Variants in DAAM1 observed in about 807,000 individuals in gnomAD.
DAAM1 encodes disheveled-associated activator of morphogenesis 1.
Under a neutral mutation model 130.0 loss-of-function variants are expected in DAAM1, and 52 were observed. That is an observed-to-expected ratio of 0.40 (90% CI 0.32 to 0.50). The LOEUF (loss-of-function observed/expected upper bound fraction) is 0.50, where lower values mean the gene tolerates loss of function less well. DAAM1 is among the 20% of genes least tolerant of loss of function. DAAM1 has a pLI of 0.61. For missense variants in DAAM1, 1,134 were observed against 1,303.8 expected (o/e 0.87, Z 2.01); for synonymous variants, 452 against 444.5 (o/e 1.02, Z -0.21).
intron 3 of DAAM1, among the ~76,000 whole-genome samples, chr14:59,310,506 T>G (rs1212396917): frequency 6.6e-6 from 1 of 152,196 alleles, no homozygotes; most frequent in East Asian, 1.9e-4. Context: ...ATTCTATATA[T>G]GATTACGGTT....
intron 1 of DAAM1, among the ~76,000 whole-genome samples, chr14:59,195,164 G>C (rs1247761886): frequency 3.7e-5 from 2 of 54,580 alleles, no homozygotes; most frequent in Non-Finnish European, 3.7e-5. Flanking sequence ...TTTTTTTTTT[G>C]AGACAATCTT....
chr14:59,256,914 A>G (rs1881917015), intron 1 of DAAM1, among the ~76,000 whole-genome samples: 1 of 152,220 alleles, frequency 6.6e-6, no homozygotes, highest in African/African-American at 2.4e-5. Flanking sequence ...CTTGGGCAAA[A>G]TGTTGACTGA....
chr14:59,331,254 C>T lies in DAAM1; in HGVS notation c.1606C>T (p.Pro536Ser). ...SIPGGPSPGA[P>S]GGPFPSSVPG... Reference sequence around the variant, plus strand: ...CCCAGGTGGACCCTCGCCTGGAGCACCAGGAGGGCCCTTTCCTTCCTCTGT... The same window carrying T: ...CCCAGGTGGACCCTCGCCTGGAGCATCAGGAGGGCCCTTTCCTTCCTCTGT... The change falls in exon 14 of 25, where the codon CCA (proline) becomes TCA (serine). Residue 536 changes from proline to serine, a missense_variant. Pro to Ser is a moderately conservative substitution (Grantham distance 74, BLOSUM62 -1). Around this residue, in one of 3 missense-constraint regions of DAAM1, gnomAD observed 644 missense variants for 695.9 expected, o/e 0.93. Transcript: ENST00000360909. 3 of 1,612,976 alleles carry T rather than the reference C, an allele frequency of 1.9e-6. No individual in the cohort carries two copies. The highest frequency in any genetic ancestry group is 2.5e-6 in the Non-Finnish European group (3 of 1,180,006).
At chr14:59,215,952 C>G (rs772007603) in intron 1 of DAAM1, among the ~76,000 whole-genome samples, 13 of 152,164 alleles carry the variant, frequency 8.5e-5, no homozygotes, top group Non-Finnish European at 1.9e-4. Flanking sequence ...TTTATTCTTG[C>G]TGAGCGGGAC....
intron 1 of DAAM1, among the ~76,000 whole-genome samples, chr14:59,207,978 T>G (rs1228962463): frequency 6.6e-6 from 1 of 152,150 alleles, no homozygotes; most frequent in Non-Finnish European, 1.5e-5. Flanking sequence ...TAATTTAGGT[T>G]CACTGTGGGG....
intron 2 of DAAM1, among the ~76,000 whole-genome samples, chr14:59,288,809 A>G (rs1055402192): frequency 6.9e-6 from 1 of 144,256 alleles, no homozygotes; most frequent in Non-Finnish European, 1.5e-5. Context: ...AAGGGGAAGC[A>G]AGCACATTTT....
chr14:59,265,803 G>A (rs1882410031), intron 2 of DAAM1: 1 of 152,288 alleles, frequency 6.6e-6, no homozygotes, highest in African/African-American at 2.4e-5. Flanking sequence ...CTATACCCAG[G>A]AAGGGTGGAG....
chr14:59,360,616 A>T (rs1886670230), intron 21 of DAAM1, 186 bp from the exon 22 acceptor site: 1 of 415,252 alleles, frequency 2.4e-6, no homozygotes, highest in Non-Finnish European at 4.2e-6. Flanking sequence ...AACAAACATA[A>T]TTTTATACCT....
chr14:59,243,449 A>G (rs1003501507), intron 1 of DAAM1, among the ~76,000 whole-genome samples: 2 of 152,102 alleles, frequency 1.3e-5, no homozygotes, highest in African/African-American at 4.8e-5. Context: ...AGGTTCTTCT[A>G]CTCAGGCTGG....
At chr14:59,262,354 A>G (rs1175092839) in intron 1 of DAAM1, among the ~76,000 whole-genome samples, 2 of 152,210 alleles carry the variant, frequency 1.3e-5, no homozygotes, top group Non-Finnish European at 1.5e-5. Flanking sequence ...AATAGACAGT[A>G]TCAACTGGAA....
rs1166671363 is a variant in DAAM1 at position 59,263,618 on chromosome 14, G to T, written c.141G>T (p.Met47Ile). 6.2e-7 allele frequency: 1 copy of T among 1,614,102 alleles called. No individual in the cohort carries two copies. Among genetic ancestry groups the T allele is most frequent in the African/African-American group, 1.3e-5 (1 of 74,926 alleles). The change falls in exon 2 of 25, where the codon ATG becomes ATT. Residue 47 changes from methionine (M) to isoleucine (I), a missense_variant. By Grantham distance (10) the Met-to-Ile change is conservative (BLOSUM62 1). Coordinates refer to ENST00000360909, the MANE Select transcript of DAAM1 (RefSeq NM_001270520.2). Reference sequence around the variant, plus strand: ...AGACCATGGAACCAGCATTGCCCATGCCCCCTGTGGAGGAGCTGGATGTCA... The same window carrying T: ...AGACCATGGAACCAGCATTGCCCATTCCCCCTGTGGAGGAGCTGGATGTCA... ...ALQTMEPALP[M>I]PPVEELDVMF...
At chr14:59,190,470 G>A (rs531449059) in intron 1 of DAAM1, among the ~76,000 whole-genome samples, 1 of 152,324 alleles carries the variant, frequency 6.6e-6, no homozygotes, top group African/African-American at 2.4e-5. Context: ...ACCAGCAAAG[G>A]CCCTCAATTT....
At chr14:59,285,324 A>G (rs1391296698) in intron 2 of DAAM1, among the ~76,000 whole-genome samples, 2 of 152,160 alleles carry the variant, frequency 1.3e-5, no homozygotes, top group African/African-American at 4.8e-5. Context: ...TAAATATGGA[A>G]ATGAAAGAAC....
chr14:59,233,223 C>T (rs1889171145), intron 1 of DAAM1, among the ~76,000 whole-genome samples: 2 of 152,138 alleles, frequency 1.3e-5, no homozygotes, highest in Admixed American at 1.3e-4. Flanking sequence ...TGCTTTATTC[C>T]ACAATGGTTG....
chr14:59,239,316 C>T (rs1889405264), intron 1 of DAAM1, among the ~76,000 whole-genome samples: 1 of 152,154 alleles, frequency 6.6e-6, no homozygotes, highest in South Asian at 2.1e-4. Context: ...AATAGGGCCT[C>T]AAGTTCCACC....
Position 59,326,621 on chromosome 14 carries a change from A to T in DAAM1, c.1286A>T (p.Asn429Ile), listed in dbSNP as rs1408529015. 1 of 1,613,192 alleles carries T rather than the reference A, an allele frequency of 6.2e-7. No individual in the cohort carries two copies. Among genetic ancestry groups the T allele is most frequent in the Non-Finnish European group, 8.5e-7 (1 of 1,179,838 alleles). Residue 429 changes from asparagine to isoleucine, a missense_variant, in exon 11 of 25, where the codon AAC becomes ATC. By Grantham distance (149) the Asn-to-Ile change is moderately radical. This residue lies in a region of DAAM1 where 391 missense variants were observed against 521.6 expected (regional missense o/e 0.75). Transcript: ENST00000360909. ...GQDPDSTPLE[N>I]FNIKNVVRML... ...GACCCTGACTCCACACCTTTGGAAA[A>T]CTTTAATATTAAGAATGTCGTACGA...
chr14:59,308,828 G>C (rs1884466863), intron 3 of DAAM1, among the ~76,000 whole-genome samples: 1 of 152,218 alleles, frequency 6.6e-6, no homozygotes, highest in South Asian at 2.1e-4. Context: ...AAAAATGACT[G>C]ACATTCTGAG....
intron 3 of DAAM1, among the ~76,000 whole-genome samples, chr14:59,312,726 A>T (rs150371558): frequency 1.3e-5 from 2 of 152,322 alleles, no homozygotes; most frequent in Non-Finnish European, 2.9e-5. Context: ...TGCTATTTGG[A>T]AATAAGGTGA....
intron 1 of DAAM1, among the ~76,000 whole-genome samples, chr14:59,225,177 G>T (rs556656730): frequency 6.6e-6 from 1 of 151,824 alleles, no homozygotes; most frequent in Non-Finnish European, 1.5e-5. Context: ...ACAGGCATGC[G>T]CCACCAGGCC....
Sources: allele counts gnomAD v4.1 joint callset (sites outside exome capture counted in the v4.1 genomes callset), GRCh38; gene constraint gnomAD v4.1.1; regional missense constraint gnomAD v4.1.1; transcripts MANE v1.5; gene names NCBI Gene and HGNC (gene_info 2026-07-23, HGNC 2026-07-21).